The following SAMMSON variants were observed in gnomAD, a reference collection of about 807,000 sequenced individuals.
SAMMSON encodes long intergenic non-protein coding RNA 1212.
At chr3:70,418,621 G>A (rs1701283865) in intron 2 of SAMMSON, among the ~76,000 whole-genome samples, 1 of 152,168 alleles carries the variant, frequency 6.6e-6, no homozygotes, top group East Asian at 1.9e-4. Flanking sequence ...CTCAGCCAAT[G>A]TCTCTGTCAC....
At chr3:70,260,112 G>T (rs1489883699) in intron 6 of SAMMSON, among the ~76,000 whole-genome samples, 1 of 152,170 alleles carries the variant, frequency 6.6e-6, no homozygotes, top group Non-Finnish European at 1.5e-5. Context: ...TTGGCTTACA[G>T]TTCTAAAGGC....
At chr3:70,267,396 T>A (rs1486365526) in intron 6 of SAMMSON, among the ~76,000 whole-genome samples, 1 of 752 alleles carries the variant, frequency 1.3e-3, no homozygotes, top group African/African-American at 2.1e-3. Context: ...TTTAATAGCT[T>A]TTTTTTTTTT....
chr3:70,241,944 A>G lies in SAMMSON; in HGVS notation n.508-7163A>G, dbSNP rs192675563. On this transcript the variant is annotated intron_variant and non_coding_transcript_variant, in intron 4 of 9. Coordinates refer to ENST00000642114, the Ensembl canonical transcript of SAMMSON. The stretch of plus-strand genomic sequence containing the variant: ...CAAAAGTTTCATTCTAAACTGTATA[A>G]TAACATTTGTTTAGGCCCTTAGAGT... Among the ~76,000 whole-genome samples, 567 of 152,320 alleles carry G rather than the reference A, an allele frequency of 3.7e-3. 2 individuals carry two copies. Among genetic ancestry groups the G allele is most frequent in the Non-Finnish European group, 6.0e-3 (405 of 68,024 alleles).
intron 4 of SAMMSON, among the ~76,000 whole-genome samples, chr3:70,104,177 G>A (rs1359022111): frequency 6.6e-6 from 1 of 151,886 alleles, no homozygotes; most frequent in Non-Finnish European, 1.5e-5. Context: ...CTGAATGTGA[G>A]AGTCCAATAA....
intron 7 of SAMMSON, among the ~76,000 whole-genome samples, chr3:70,324,215 C>T (rs79161235): frequency 6.9e-6 from 1 of 145,082 alleles, no homozygotes; most frequent in Admixed American, 7.1e-5. Context: ...TCTATCTATC[C>T]ACACACACAG....
intron 2 of SAMMSON, among the ~76,000 whole-genome samples, chr3:70,420,759 T>C (rs1282922831): frequency 6.6e-6 from 1 of 152,152 alleles, no homozygotes; most frequent in Non-Finnish European, 1.5e-5. Context: ...ATTTTCCTCA[T>C]TGAGCAAAGA....
intron 3 of SAMMSON, among the ~76,000 whole-genome samples, chr3:70,028,600 A>G (rs1398406011): frequency 6.6e-6 from 1 of 152,206 alleles, no homozygotes; most frequent in Non-Finnish European, 1.5e-5. Context: ...AGAAATTAAG[A>G]GGTAAAATGA....
intron 1 of SAMMSON, among the ~76,000 whole-genome samples, chr3:70,010,887 A>G (rs548544917): frequency 1.3e-5 from 2 of 152,212 alleles, no homozygotes; most frequent in African/African-American, 2.4e-5. Flanking sequence ...TTATAAAACC[A>G]TAAGATCTCG....
chr3:70,118,153 A>G (rs1228367100), intron 4 of SAMMSON, among the ~76,000 whole-genome samples: 1 of 152,008 alleles, frequency 6.6e-6, no homozygotes, highest in East Asian at 1.9e-4. Flanking sequence ...CGATCTCCTG[A>G]CCTTGTGATC....
At chr3:70,193,925 A>G (rs1323188809) in intron 4 of SAMMSON, among the ~76,000 whole-genome samples, 2 of 152,118 alleles carry the variant, frequency 1.3e-5, no homozygotes, top group African/African-American at 4.8e-5. Context: ...CTCTGCCTGG[A>G]TGTTTTCTTG....
intron 4 of SAMMSON, among the ~76,000 whole-genome samples, chr3:70,182,975 A>C (rs1701065689): frequency 6.6e-6 from 1 of 152,166 alleles, no homozygotes; most frequent in Middle Eastern, 3.2e-3. Context: ...TTAACGCTGA[A>C]ATCTGAGCAT....
intron 4 of SAMMSON, among the ~76,000 whole-genome samples, chr3:70,201,588 A>C (rs910040030): frequency 1.3e-5 from 2 of 152,172 alleles, no homozygotes; most frequent in African/African-American, 4.8e-5. Flanking sequence ...AACTGAGGCA[A>C]AGAGTGTTTA....
intron 4 of SAMMSON, among the ~76,000 whole-genome samples, chr3:70,170,228 A>G (rs1457399222): frequency 1.3e-5 from 2 of 151,944 alleles, no homozygotes; most frequent in Non-Finnish European, 1.5e-5. Flanking sequence ...ATGAGGATAG[A>G]CATATTTTGT....
Position 70,133,232 on chromosome 3 carries a change from G to A in SAMMSON, n.507+61667G>A, listed in dbSNP as rs541690488. Among the ~76,000 whole-genome samples the A allele has an allele frequency of 1.4e-4, 21 of 152,142 alleles. No individual in the cohort carries two copies. The East Asian group carries it at 1.7e-3, about 13-fold the overall frequency. Reference sequence around the variant, plus strand: ...GAGTTGTAACTTTCAGCCCCACTTCGTGACTGAAGGTTGAGTTGATTACCA... The same window carrying A: ...GAGTTGTAACTTTCAGCCCCACTTCATGACTGAAGGTTGAGTTGATTACCA... On this transcript the variant is annotated intron_variant and non_coding_transcript_variant, in intron 4 of 9. Transcript: ENST00000642114.
intron 9 of SAMMSON, among the ~76,000 whole-genome samples, chr3:70,360,393 T>C (rs1702862949): frequency 6.6e-6 from 1 of 152,178 alleles, no homozygotes; most frequent in African/African-American, 2.4e-5. Flanking sequence ...TTAATTCTTT[T>C]GCAGTAAAAG....
At chr3:70,344,336 A>G (rs1428996194) in intron 7 of SAMMSON, among the ~76,000 whole-genome samples, 1 of 152,098 alleles carries the variant, frequency 6.6e-6, no homozygotes, top group Non-Finnish European at 1.5e-5. Context: ...TCTGAACACC[A>G]AGAGGAGTTT....
rs563738247 is a variant in SAMMSON at position 70,261,831 on chromosome 3, T to C, written n.674+12161T>C. Among the ~76,000 whole-genome samples the C allele has an allele frequency of 2.6e-5, 4 of 152,280 alleles. No homozygotes were observed. The South Asian group carries it at 8.3e-4, about 32-fold the overall frequency. ...GGAACCAAGAAGACTAGGATGTGAC[T>C]GGAACCTGAATGCCCGAACCCTTTT... On this transcript the variant is annotated intron_variant and non_coding_transcript_variant, in intron 6 of 9. Coordinates refer to ENST00000642114, the Ensembl canonical transcript of SAMMSON.
At chr3:70,002,451 C>T (rs940186963) in intron 1 of SAMMSON, among the ~76,000 whole-genome samples, 11 of 152,074 alleles carry the variant, frequency 7.2e-5, no homozygotes, top group Non-Finnish European at 1.3e-4. Context: ...ATTTAGAAAA[C>T]TCAGAGAATA....
At chr3:70,191,198 T>G (rs1198303279) in intron 4 of SAMMSON, among the ~76,000 whole-genome samples, 1 of 152,232 alleles carries the variant, frequency 6.6e-6, no homozygotes, top group African/African-American at 2.4e-5. Flanking sequence ...AAGCTCTGTA[T>G]CCACAAAATA....
Sources: allele counts gnomAD v4.1 joint callset (sites outside exome capture counted in the v4.1 genomes callset), GRCh38; gene constraint gnomAD v4.1.1; transcripts MANE v1.5; gene names NCBI Gene and HGNC (gene_info 2026-07-23, HGNC 2026-07-21).